NBEA: variants seen among roughly 807,000 people sequenced by gnomAD.
NBEA encodes the protein lysosomal-trafficking regulator 2.
NBEA carries 44 observed loss-of-function variants against 343.4 expected under a neutral mutation model. The ratio of observed to expected loss-of-function variants is 0.13; its 90% CI spans 0.10 to 0.16. The LOEUF (loss-of-function observed/expected upper bound fraction) is 0.16, where lower values mean the gene tolerates loss of function less well. NBEA is among the 10% of genes least tolerant of loss of function. The pLI is 1.00. For synonymous variants in NBEA, 1,175 were observed against 1,238.7 expected (o/e 0.95, Z 1.08); for missense variants, 2,555 against 3,631.3 (o/e 0.70, Z 7.62).
intron 41 of NBEA, among the ~76,000 whole-genome samples, chr13:35,515,284 C>T (rs1195901961): frequency 1.3e-5 from 2 of 152,330 alleles, no homozygotes; most frequent in East Asian, 3.9e-4. Flanking sequence ...CTCTTTTGTA[C>T]TCTTTGCTCC....
rs2075691824 is a variant in NBEA at position 35,472,385 on chromosome 13, G to T, written c.6449-15G>T. ...ACAGGGGCTCAGCCTGACTCCCCTT[G>T]TCCTTGCCTTGCAGGCCCAGTGGTT... On this transcript the variant is annotated splice_polypyrimidine_tract_variant and intron_variant, in intron 40 of 58. Transcript: ENST00000379939. 6.2e-7 allele frequency: 1 copy of T among 1,611,690 alleles called. No homozygotes were observed.
Position 35,539,915 on chromosome 13 carries a change from C to CAAAAAAAAAAAAAAAAA in NBEA, c.6586-10551_6586-10535dup, listed in dbSNP as rs71081262. On this transcript the variant is annotated intron_variant, in intron 41 of 58. Coordinates refer to ENST00000379939, the MANE Select transcript of NBEA (RefSeq NM_001385012.1). ...TGGGCGACAGAGCAAGACTCCGTCTCAAAAAAAAAAAAAAAAAAAAAAAAA... is the reference window on the plus strand; with the variant it reads ...TGGGCGACAGAGCAAGACTCCGTCTCAAAAAAAAAAAAAAAAAAAAAAAAAAAAAAAAAAAAAAAAAA... Among the ~76,000 whole-genome samples, 36 of 39,612 alleles carry CAAAAAAAAAAAAAAAAA rather than the reference C, an allele frequency of 9.1e-4. 3 individuals carry two copies. Among genetic ancestry groups the CAAAAAAAAAAAAAAAAA allele is most frequent in the East Asian group, 1.7e-3 (4 of 2,424 alleles). The allele number at this position is 39,612 out of a possible 152,430, so 26.0% of individuals were successfully genotyped here. A position where few individuals can be genotyped will look rare whatever the true frequency, so the allele number is the denominator to read the frequency against.
At chr13:35,028,508 C>G (rs552789368) in intron 1 of NBEA, among the ~76,000 whole-genome samples, 26 of 151,964 alleles carry the variant, frequency 1.7e-4, no homozygotes, top group Middle Eastern at 3.4e-3. Flanking sequence ...TGTTACCTAG[C>G]TAAACTCACT....
At chr13:35,442,164 A>G (rs1034968965) in intron 39 of NBEA, among the ~76,000 whole-genome samples, 4 of 152,106 alleles carry the variant, frequency 2.6e-5, no homozygotes, top group Non-Finnish European at 5.9e-5. Context: ...TATCATTTTC[A>G]TGTATTTATT....
At chr13:35,125,701 A>G (rs2067088382) in intron 17 of NBEA, among the ~76,000 whole-genome samples, 1 of 152,220 alleles carries the variant, frequency 6.6e-6, no homozygotes, top group South Asian at 2.1e-4. Context: ...GGTGAATCAG[A>G]TAAAAAACAT....
At chr13:35,003,754 A>C (rs1374248246) in intron 1 of NBEA, among the ~76,000 whole-genome samples, 1 of 152,064 alleles carries the variant, frequency 6.6e-6, no homozygotes, top group African/African-American at 2.4e-5. Context: ...ATTTGGTGGG[A>C]TGCTTTGTCG....
chr13:35,071,851 T>TAA (rs1321062726), intron 10 of NBEA, among the ~76,000 whole-genome samples: 1 of 152,122 alleles, frequency 6.6e-6, no homozygotes, highest in African/African-American at 2.4e-5. Context: ...CATCTTTATG[T>TAA]AAAGTATAAA....
chr13:35,453,816 C>T (rs2046422527), intron 40 of NBEA, among the ~76,000 whole-genome samples: 1 of 152,058 alleles, frequency 6.6e-6, no homozygotes. Context: ...TTATATTTCT[C>T]TTCTTTAATG....
At chr13:35,501,535 T>C (rs1487545640) in intron 41 of NBEA, among the ~76,000 whole-genome samples, 1 of 152,132 alleles carries the variant, frequency 6.6e-6, no homozygotes, top group African/African-American at 2.4e-5. Context: ...GAATTGAGAG[T>C]GAGTAATAAA....
chr13:35,372,011 A>C (rs1409323918), intron 38 of NBEA, among the ~76,000 whole-genome samples: 2 of 152,278 alleles, frequency 1.3e-5, no homozygotes, highest in South Asian at 2.1e-4. Flanking sequence ...TGGTGGGCCA[A>C]GTCTGCCTGT....
chr13:35,504,569 CTTAT>C (rs1213026038), intron 41 of NBEA, among the ~76,000 whole-genome samples: 4 of 151,960 alleles, frequency 2.6e-5, no homozygotes, highest in Non-Finnish European at 5.9e-5. Context: ...TTTTCATTTA[CTTAT>C]TTTTCTTTTT....
chr13:35,156,568 T>C (rs890729444), intron 20 of NBEA, among the ~76,000 whole-genome samples: 3 of 152,154 alleles, frequency 2.0e-5, no homozygotes, highest in Admixed American at 1.3e-4. Flanking sequence ...ATATTTCTTA[T>C]GGCCGAATGT....
intron 1 of NBEA, among the ~76,000 whole-genome samples, chr13:35,039,588 A>G (rs538338959): frequency 6.6e-6 from 1 of 152,166 alleles, no homozygotes; most frequent in Non-Finnish European, 1.5e-5. Context: ...CTCTGTGCCT[A>G]TGATTCCTTA....
chr13:35,393,163 T>C (rs1417848820), intron 38 of NBEA, among the ~76,000 whole-genome samples: 4 of 152,172 alleles, frequency 2.6e-5, no homozygotes, highest in African/African-American at 9.6e-5. Context: ...ATAGCAATTG[T>C]AATAGATTAT....
chr13:35,447,510 TAAG>T (rs2046108025), intron 39 of NBEA, among the ~76,000 whole-genome samples: 1 of 151,764 alleles, frequency 6.6e-6, no homozygotes, highest in African/African-American at 2.4e-5. Flanking sequence ...ATATATTTAC[TAAG>T]AAGTCAGTCT....
chr13:35,665,315 T>A (rs2085299618), intron 56 of NBEA, 129 bp downstream of exon 56: 4 of 668,844 alleles, frequency 6.0e-6, no homozygotes, highest in South Asian at 5.9e-5. Context: ...TATTTGTAGA[T>A]GTTTAGTTTT....
At chr13:35,133,200 T>C (rs1024948744) in intron 17 of NBEA, among the ~76,000 whole-genome samples, 2 of 152,048 alleles carry the variant, frequency 1.3e-5, no homozygotes, top group Non-Finnish European at 2.9e-5. Flanking sequence ...ATGAAGAATA[T>C]AAACAGACAA....
At chr13:35,584,841 C>T (rs1566364564) in intron 46 of NBEA, among the ~76,000 whole-genome samples, 1 of 151,654 alleles carries the variant, frequency 6.6e-6, no homozygotes, top group African/African-American at 2.4e-5. Flanking sequence ...TTGTTCCCCA[C>T]GCTGGTCTCT....
intron 1 of NBEA, among the ~76,000 whole-genome samples, chr13:35,018,853 C>T (rs1284265070): frequency 1.3e-5 from 2 of 152,280 alleles, no homozygotes; most frequent in South Asian, 2.1e-4. Context: ...AGTCATTCAC[C>T]ATTAAGTATG....
Sources: gnomAD v4.1 joint callset for allele counts (sites outside exome capture counted in the v4.1 genomes callset) on GRCh38, gnomAD v4.1.1 for gene constraint, MANE v1.5 for transcripts, NCBI Gene and HGNC (gene_info 2026-07-23, HGNC 2026-07-21) for gene names.